Variants in CELF4 observed in about 807,000 individuals in gnomAD.
CELF4 encodes CUG-BP- and ETR-3-like factor 4.
Under a neutral mutation model 59.9 loss-of-function variants are expected in CELF4, and 18 were observed. The observed-to-expected ratio is 0.30, with a 90% confidence interval of 0.21 to 0.45. The LOEUF (loss-of-function observed/expected upper bound fraction) is 0.45, where lower values mean the gene tolerates loss of function less well. Among genes scored for constraint, CELF4 ranks in the 20% least tolerant of loss-of-function variants. The pLI, the probability that CELF4 is intolerant of heterozygous loss-of-function variation, is 1.00. For synonymous variants in CELF4, 261 were observed against 267.1 expected (o/e 0.98, Z 0.22); for missense variants, 456 against 689.0 (o/e 0.66, Z 3.79).
intron 1 of CELF4, among the ~76,000 whole-genome samples, chr18:37,550,267 C>T (rs1392426171): frequency 6.6e-6 from 1 of 152,068 alleles, no homozygotes; most frequent in Non-Finnish European, 1.5e-5. Context: ...TGCTGATTAG[C>T]TGGAGATTAT....
chr18:37,275,017 A>G, intron 4 of CELF4, 98 bp downstream of exon 4: 4 of 1,546,998 alleles, frequency 2.6e-6, no homozygotes, highest in Non-Finnish European at 3.5e-6. Context: ...AAGCCCAGAG[A>G]CAGACGGCGA....
chr18:37,483,063 C>T (rs1005919330), intron 2 of CELF4, among the ~76,000 whole-genome samples: 3 of 152,230 alleles, frequency 2.0e-5, no homozygotes, highest in South Asian at 2.1e-4. Context: ...TGTCTCTCAC[C>T]GAAACAGGCA....
At chr18:37,247,795 A>G (rs886509619) in intron 12 of CELF4, among the ~76,000 whole-genome samples, 4 of 151,974 alleles carry the variant, frequency 2.6e-5, no homozygotes, top group Admixed American at 2.6e-4. Context: ...AGGGGGCCAG[A>G]AAAAAAATAA....
chr18:37,320,987 A>T (rs2097096404), intron 3 of CELF4, among the ~76,000 whole-genome samples: 1 of 151,564 alleles, frequency 6.6e-6, no homozygotes, highest in African/African-American at 2.4e-5. Context: ...CTTGCCTTTC[A>T]TTTTCTTTTA....
intron 2 of CELF4, among the ~76,000 whole-genome samples, chr18:37,373,472 G>A (rs1417692005): frequency 6.6e-6 from 1 of 152,238 alleles, no homozygotes; most frequent in Non-Finnish European, 1.5e-5. Context: ...GCTCCCTGGG[G>A]AACTTTGTTG....
intron 2 of CELF4, among the ~76,000 whole-genome samples, chr18:37,363,954 G>A (rs2098742626): frequency 6.6e-6 from 1 of 152,190 alleles, no homozygotes; most frequent in South Asian, 2.1e-4. Flanking sequence ...GACAGGTGGG[G>A]ACCACATCTG....
chr18:37,537,562 A>G (rs1164163336), intron 1 of CELF4, among the ~76,000 whole-genome samples: 2 of 152,174 alleles, frequency 1.3e-5, no homozygotes, highest in Non-Finnish European at 2.9e-5. Flanking sequence ...TGAAAATTAC[A>G]GGTCTTCGGG....
At chr18:37,286,406 C>T (rs1048910521) in intron 3 of CELF4, among the ~76,000 whole-genome samples, 1 of 152,132 alleles carries the variant, frequency 6.6e-6, no homozygotes, top group Non-Finnish European at 1.5e-5. Context: ...CAGGCTGACC[C>T]TTATGGGGCC....
intron 2 of CELF4, among the ~76,000 whole-genome samples, chr18:37,414,729 C>T (rs552120938): frequency 1.3e-5 from 2 of 152,096 alleles, no homozygotes; most frequent in Admixed American, 1.3e-4. Flanking sequence ...AATCTCCTGA[C>T]CTCGTGATCC....
At chr18:37,436,193 G>A (rs527896991) in intron 2 of CELF4, among the ~76,000 whole-genome samples, 3 of 152,336 alleles carry the variant, frequency 2.0e-5, no homozygotes, top group South Asian at 4.1e-4. Context: ...GCGCTGGCTC[G>A]CTTAAGAGAA....
chr18:37,328,257 T>C (rs1270367689), intron 2 of CELF4, among the ~76,000 whole-genome samples: 2 of 151,970 alleles, frequency 1.3e-5, no homozygotes, highest in Non-Finnish European at 1.5e-5. Context: ...TTGAACGAGA[T>C]CATGAAAGAA....
intron 2 of CELF4, among the ~76,000 whole-genome samples, chr18:37,360,480 T>G (rs2098686079): frequency 6.6e-6 from 1 of 152,204 alleles, no homozygotes; most frequent in Non-Finnish European, 1.5e-5. Context: ...GAGCACTTAC[T>G]GTGTGCCAAG....
chr18:37,505,532 T>A (rs1248381160), intron 1 of CELF4, among the ~76,000 whole-genome samples: 1 of 151,640 alleles, frequency 6.6e-6, no homozygotes, highest in African/African-American at 2.4e-5. Flanking sequence ...CCAGGTGGGG[T>A]GATTGTGGGG....
At chr18:37,281,800 T>C (rs748867094) in intron 3 of CELF4, among the ~76,000 whole-genome samples, 1 of 152,136 alleles carries the variant, frequency 6.6e-6, no homozygotes, top group Non-Finnish European at 1.5e-5. Context: ...TCCCATGCAG[T>C]GGCCCCCCCA....
At chr18:37,458,612 C>A (rs1188865417) in intron 2 of CELF4, among the ~76,000 whole-genome samples, 1 of 152,194 alleles carries the variant, frequency 6.6e-6, no homozygotes, top group Admixed American at 6.5e-5. Flanking sequence ...ATTTGTAGAG[C>A]CTATTGCTGT....
rs553797589 is a variant in CELF4, at chr18:37,376,269, A to G, written c.370-54388T>C. Among the ~76,000 whole-genome samples, 501 of 152,154 alleles carry G rather than the reference A, an allele frequency of 3.3e-3. 1 individual carries two copies. The highest frequency in any genetic ancestry group is 4.6e-3 in the Non-Finnish European group (316 of 68,002). On this transcript the variant is annotated intron_variant, in intron 2 of 12. Coordinates refer to ENST00000420428, the MANE Select transcript of CELF4 (RefSeq NM_020180.4). ...TGGGCCATCTACCTTTCAAGAGGCC[A>G]ACTACCTTCCTCTGGCTTCCTATCC...
At chr18:37,403,833 G>A (rs1259605997) in intron 2 of CELF4, among the ~76,000 whole-genome samples, 3 of 152,196 alleles carry the variant, frequency 2.0e-5, no homozygotes, top group Non-Finnish European at 4.4e-5. Flanking sequence ...GGCTAGTGCT[G>A]CTCATACCCT....
At chr18:37,299,904 C>T (rs1300263907) in intron 3 of CELF4, among the ~76,000 whole-genome samples, 2 of 152,278 alleles carry the variant, frequency 1.3e-5, no homozygotes, top group East Asian at 3.9e-4. Flanking sequence ...CCATACTCCC[C>T]AGCTTGGTCA....
At chr18:37,258,305 A>C (rs1353024196) in intron 11 of CELF4, among the ~76,000 whole-genome samples, 4 of 115,256 alleles carry the variant, frequency 3.5e-5, no homozygotes, top group South Asian at 3.3e-4. Flanking sequence ...CAGACACCAC[A>C]CCCCCGCGCC....
Sources: allele counts gnomAD v4.1 joint callset (sites outside exome capture counted in the v4.1 genomes callset), GRCh38; gene constraint gnomAD v4.1.1; transcripts MANE v1.5; gene names NCBI Gene and HGNC (gene_info 2026-07-23, HGNC 2026-07-21).